The following PAH variants were observed in gnomAD, a reference collection of about 807,000 sequenced individuals.
The protein encoded by PAH is phenylalanine-4-hydroxylase.
In PAH, 64 loss-of-function variants were observed where a neutral mutation model predicts 62.0. That is an observed-to-expected ratio of 1.03 (90% CI 0.84 to 1.27). The LOEUF (loss-of-function observed/expected upper bound fraction) is 1.27, where lower values mean the gene tolerates loss of function less well. PAH is among the 50% of genes most tolerant of loss of function. The probability of loss-of-function intolerance (pLI) is 0.00; values close to 1 mark genes in which losing one functional copy is unlikely to be tolerated. For synonymous variants in PAH, 195 were observed against 196.2 expected, an observed-to-expected ratio of 0.99 and a Z score of 0.05; for missense variants, 579 against 542.8, an observed-to-expected ratio of 1.07 and a Z score of -0.66.
At chr12:102,917,334 G>C (rs1370415617), upstream of PAH, 1 of 611,144 alleles carries the variant, frequency 1.6e-6, no homozygotes. Context: ...GCAGCCTGCC[G>C]GATGCTCCAG....
At chr12:102,856,033 A>G (rs947879174) in intron 5 of PAH, among the ~76,000 whole-genome samples, 33 of 135,284 alleles carry the variant, frequency 2.4e-4, no homozygotes, top group African/African-American at 9.1e-4. Flanking sequence ...ATATAATTGT[A>G]TATAATTAAA....
upstream of PAH, among the ~76,000 whole-genome samples, chr12:102,953,126 G>T (rs932174523): frequency 2.0e-4 from 30 of 152,114 alleles, no homozygotes; most frequent in Admixed American, 2.0e-3. Context: ...ATGAATATTG[G>T]CTATGAATGC....
At chr12:102,844,748 C>T (rs942497876) in intron 9 of PAH, among the ~76,000 whole-genome samples, 3 of 152,186 alleles carry the variant, frequency 2.0e-5, no homozygotes, top group African/African-American at 7.2e-5. Context: ...CATCAGAACT[C>T]CAGGCTTTCT....
rs1295182272 is a variant in PAH at position 102,882,657 on chromosome 12, TATATATATATATATATATAA to T, written c.353-5127_353-5108del. Among the ~76,000 whole-genome samples the T allele has an allele frequency of 5.8e-3, 365 of 63,086 alleles. 6 individuals carry two copies. Among genetic ancestry groups the T allele is most frequent in the South Asian group, 0.04 (71 of 1,786 alleles). 41.4% of individuals were successfully genotyped at this position (63,086 alleles called of 152,430 possible). ...TATATATACACTATATATATATATA[TATATATATATATATATATAA>T]AATTTTTTTCTACTGTATCCTTAGC... On this transcript the variant is annotated intron_variant, in intron 3 of 12. Transcript: ENST00000553106.
chr12:102,839,794 C>T (rs1463050184), intron 12 of PAH, among the ~76,000 whole-genome samples: 1 of 152,204 alleles, frequency 6.6e-6, no homozygotes, highest in Non-Finnish European at 1.5e-5. Context: ...TATGCTATGT[C>T]TTCACATACC....
intron 1 of PAH, among the ~76,000 whole-genome samples, chr12:102,956,069 C>T (rs34959079): frequency 0.3 from 45,309 of 152,130 alleles, 7,214 homozygotes; most frequent in African/African-American, 0.38. Flanking sequence ...CTCCCTGGGT[C>T]ATCCCCTTGG....
rs554919613 is a variant in PAH at position 102,839,341 on chromosome 12, C to T, written c.1316-123G>A. ...TTGGATGAGCTGGGTGCCACCCCAA[C>T]TTTCAAGGAGCTTACAGCCTCATTA... On this transcript the variant is annotated intron_variant, in intron 12 of 12. Coordinates refer to ENST00000553106, the MANE Select transcript of PAH (RefSeq NM_000277.3). 1.5e-3 allele frequency: 1,339 copies of T among 866,102 alleles called. 2 individuals are homozygous for T. The highest frequency in any genetic ancestry group is 2.0e-3 in the Non-Finnish European group (1,012 of 512,334). The allele number at this position is 866,102 out of a possible 1,614,324, so 53.7% of individuals were successfully genotyped here.
At chr12:102,912,539 T>G (rs1565873382) in intron 2 of PAH, among the ~76,000 whole-genome samples, 1 of 152,148 alleles carries the variant, frequency 6.6e-6, no homozygotes, top group Admixed American at 6.5e-5. Context: ...CAAAACACAT[T>G]ATTTCATCAC....
intron 1 of PAH, among the ~76,000 whole-genome samples, chr12:102,935,056 T>C (rs573937651): frequency 1.6e-4 from 24 of 152,226 alleles, no homozygotes; most frequent in African/African-American, 5.5e-4. Flanking sequence ...TTTTATTGTG[T>C]TGAGGTATGT....
At chr12:102,849,736 C>A (rs1392663084) in intron 8 of PAH, among the ~76,000 whole-genome samples, 1 of 152,214 alleles carries the variant, frequency 6.6e-6, no homozygotes, top group Non-Finnish European at 1.5e-5. Context: ...GCGCCTTGTT[C>A]TCTTAGTCAC....
At chr12:102,855,843 C>T (rs1286457878) in intron 5 of PAH, among the ~76,000 whole-genome samples, 1 of 151,958 alleles carries the variant, frequency 6.6e-6, no homozygotes, top group Non-Finnish European at 1.5e-5. Flanking sequence ...ATATGTAGGC[C>T]ACGAATCTGA....
At chr12:102,903,388 A>C (rs28435260) in intron 2 of PAH, among the ~76,000 whole-genome samples, 1 of 148,046 alleles carries the variant, frequency 6.8e-6, no homozygotes, top group Non-Finnish European at 1.5e-5. Context: ...ACACACACAA[A>C]AAACAAACAA....
rs143358918 is a variant in PAH, at chr12:102,912,797, T to C, written c.162A>G (p.Leu54=). 1 of 1,607,746 alleles carries C rather than the reference T, an allele frequency of 6.2e-7. No individual in the cohort carries two copies. Among genetic ancestry groups the C allele is most frequent in the African/African-American group, 1.3e-5 (1 of 74,814 alleles). The change falls in exon 2 of 13, where the codon TTA becomes TTG. Residue 54 remains leucine (L), a synonymous_variant. Coordinates refer to ENST00000553106, the MANE Select transcript of PAH (RefSeq NM_000277.3). ...EVGALAKVLR[L]FEENDVNLTH... is the part of the protein sequence containing the mutation. ...ACATGATTGTAGCACTGACCTCAAATAAGCGCAATACTTTGGCCAATGCAC... is the reference window on the plus strand; with the variant it reads ...ACATGATTGTAGCACTGACCTCAAACAAGCGCAATACTTTGGCCAATGCAC...
rs1055113180 is a variant in PAH, at chr12:102,945,796, G to T, written c.-96+4793C>A. Among the ~76,000 whole-genome samples, 6 of 151,974 alleles carry T rather than the reference G, an allele frequency of 3.9e-5. No individual in the cohort carries two copies. The East Asian group carries it at 9.7e-4, about 25-fold the overall frequency. ...CCTGCCTGCTATTTTACCCCACTGC[G>T]GCCAACCTCATACCCAAGCTCCAAG... is the stretch of plus-strand genomic sequence containing the variant. On this transcript the variant is annotated intron_variant, in intron 1 of 3. Transcript: ENST00000546844.
At chr12:102,910,618 C>T (rs1324649430) in intron 2 of PAH, among the ~76,000 whole-genome samples, 1 of 152,048 alleles carries the variant, frequency 6.6e-6, no homozygotes, top group Non-Finnish European at 1.5e-5. Context: ...GATCCGTCAG[C>T]CTCAGCCTCC....
intron 4 of PAH, among the ~76,000 whole-genome samples, chr12:102,867,184 C>T (rs1568792): frequency 0.027 from 4,053 of 152,224 alleles, 173 homozygotes; most frequent in African/African-American, 0.091. Context: ...AACAAACTTG[C>T]GAGTTCGATG....
intron 2 of PAH, among the ~76,000 whole-genome samples, chr12:102,907,225 A>G (rs979296963): frequency 6.6e-6 from 1 of 152,212 alleles, no homozygotes; most frequent in Non-Finnish European, 1.5e-5. Flanking sequence ...AGAGACAGGT[A>G]CTTTTGCCCC....
chr12:102,861,086 C>T (rs541534546), intron 5 of PAH, among the ~76,000 whole-genome samples: 6 of 152,298 alleles, frequency 3.9e-5, no homozygotes, highest in Admixed American at 2.6e-4. Flanking sequence ...ATCTACTCAT[C>T]TGACAAAGGG....
chr12:102,908,960 G>A (rs1878095378), intron 2 of PAH, among the ~76,000 whole-genome samples: 1 of 150,310 alleles, frequency 6.7e-6, no homozygotes, highest in African/African-American at 2.5e-5. Flanking sequence ...TCCTGCCTCA[G>A]CCTCCCAAGT....
Sources: allele counts gnomAD v4.1 joint callset (sites outside exome capture counted in the v4.1 genomes callset), GRCh38; gene constraint gnomAD v4.1.1; transcripts MANE v1.5; gene names NCBI Gene and HGNC (gene_info 2026-07-23, HGNC 2026-07-21).